Variants in HIBADH observed in about 807,000 individuals in gnomAD.
HIBADH encodes 3-hydroxyisobutyrate dehydrogenase.
In HIBADH, 25 loss-of-function variants were observed where a neutral mutation model predicts 36.1. That is an observed-to-expected ratio of 0.69 (90% CI 0.50 to 0.97). The LOEUF (loss-of-function observed/expected upper bound fraction) is 0.97. Ranked by LOEUF, HIBADH falls within the 50% of genes least tolerant of loss-of-function variation. HIBADH has a pLI of 0.00. For synonymous variants in HIBADH, 160 were observed against 149.5 expected (o/e 1.07, Z -0.51); for missense variants, 421 against 418.0 (o/e 1.01, Z -0.06).
intron 1 of HIBADH, among the ~76,000 whole-genome samples, chr7:27,661,522 A>C (rs1786417417): frequency 7.2e-6 from 1 of 138,430 alleles, no homozygotes; most frequent in African/African-American, 2.7e-5. Context: ...CAGGAGGTCG[A>C]GACTGCAGTG....
chr7:27,649,319 TG>T, intron 2 of HIBADH, 153 bp downstream of exon 2: 1 of 531,534 alleles, frequency 1.9e-6, no homozygotes, highest in Non-Finnish European at 3.1e-6. Flanking sequence ...ACTGCAAATC[TG>T]GATGTTGGAT....
intron 5 of HIBADH, 133 bp from the exon 6 acceptor site, chr7:27,538,550 G>A: frequency 1.4e-6 from 1 of 716,694 alleles, no homozygotes; most frequent in Non-Finnish European, 2.4e-6. Flanking sequence ...CTCGAGTGCG[G>A]AAGAGAACCT....
Position 27,648,554 on chromosome 7 carries a change from C to A in HIBADH, c.252+919G>T, listed in dbSNP as rs111396282. On this transcript the variant is annotated intron_variant, in intron 2 of 7. Coordinates refer to ENST00000265395, the MANE Select transcript of HIBADH (RefSeq NM_152740.4). ...TGTGTAATTTTTTTCTCACCTTTTT[C>A]TCAGGAATTTTTTAGTATTCTCTGT... Among the ~76,000 whole-genome samples the A allele has an allele frequency of 8.3e-3, 1,268 of 152,178 alleles. 7 individuals are homozygous for A. The highest frequency in any genetic ancestry group is 0.012 in the Non-Finnish European group (804 of 67,992).
At chr7:27,625,786 G>A (rs544548732) in intron 4 of HIBADH, among the ~76,000 whole-genome samples, 9 of 152,108 alleles carry the variant, frequency 5.9e-5, no homozygotes, top group Non-Finnish European at 8.8e-5. Context: ...TAAATATAGC[G>A]TGATGTGGGC....
chr7:27,564,015 C>T (rs1370331250), intron 4 of HIBADH, among the ~76,000 whole-genome samples: 1 of 151,152 alleles, frequency 6.6e-6, no homozygotes, highest in Non-Finnish European at 1.5e-5. Context: ...TCTCCTGCCT[C>T]AGCCTCCCAA....
chr7:27,621,520 A>G (rs12531518), intron 4 of HIBADH, among the ~76,000 whole-genome samples: 120,797 of 152,156 alleles, frequency 0.79, 48,354 homozygotes, highest in East Asian at 0.97. Flanking sequence ...AGCCAGGCGC[A>G]GTGGCTCACA....
intron 7 of HIBADH, 84 bp from the exon 8 acceptor site, chr7:27,526,456 A>T: frequency 1.8e-6 from 2 of 1,083,872 alleles, no homozygotes; most frequent in Non-Finnish European, 2.5e-6. Flanking sequence ...TTGGTTTGAA[A>T]GAAGGAAAAA....
intron 4 of HIBADH, among the ~76,000 whole-genome samples, chr7:27,547,030 C>T (rs1784244122): frequency 6.6e-6 from 1 of 152,172 alleles, no homozygotes; most frequent in Admixed American, 6.5e-5. Flanking sequence ...ATTCCCAACC[C>T]TCCAAAGACT....
intron 4 of HIBADH, among the ~76,000 whole-genome samples, chr7:27,562,740 G>T (rs1562622391): frequency 6.6e-6 from 1 of 152,144 alleles, no homozygotes; most frequent in African/African-American, 2.4e-5. Context: ...TTATGGGTAT[G>T]AGCCACCACA....
intron 4 of HIBADH, among the ~76,000 whole-genome samples, chr7:27,576,762 C>A (rs992132303): frequency 1.3e-5 from 2 of 152,192 alleles, no homozygotes; most frequent in African/African-American, 4.8e-5. Context: ...AAGTGTCACA[C>A]ATTCATTAAC....
At chr7:27,641,029 G>A (rs1453690247) in intron 2 of HIBADH, among the ~76,000 whole-genome samples, 1 of 152,102 alleles carries the variant, frequency 6.6e-6, no homozygotes, top group Non-Finnish European at 1.5e-5. Flanking sequence ...TGGAACGGCA[G>A]GTGGCCATCT....
At chr7:27,554,489 T>A (rs1049796430) in intron 4 of HIBADH, among the ~76,000 whole-genome samples, 4 of 152,136 alleles carry the variant, frequency 2.6e-5, no homozygotes, top group African/African-American at 9.7e-5. Flanking sequence ...ATAACCAAAT[T>A]CTCAGTAATC....
intron 4 of HIBADH, among the ~76,000 whole-genome samples, chr7:27,543,836 TAATGCATG>T (rs1784195256): frequency 6.6e-6 from 1 of 151,318 alleles, no homozygotes; most frequent in Non-Finnish European, 1.5e-5. Context: ...AACAGAGGCT[TAATGCATG>T]TTCATTCATT....
intron 4 of HIBADH, among the ~76,000 whole-genome samples, chr7:27,599,680 CA>C (rs3072889): frequency 9.3e-4 from 38 of 41,062 alleles, no homozygotes; most frequent in East Asian, 4.1e-3. Context: ...ACTCTGTCTC[CA>C]AAAAAAAAAA....
chr7:27,534,776 T>C (rs1395543289), intron 6 of HIBADH, among the ~76,000 whole-genome samples: 1 of 152,002 alleles, frequency 6.6e-6, no homozygotes, highest in Middle Eastern at 3.4e-3. Flanking sequence ...ACAATTTAAT[T>C]TCAAACAATA....
At chr7:27,619,605 GAGAT>G (rs1199979910) in intron 4 of HIBADH, among the ~76,000 whole-genome samples, 2 of 152,028 alleles carry the variant, frequency 1.3e-5, no homozygotes, top group Admixed American at 6.5e-5. Context: ...ATTTACCGAA[GAGAT>G]AGATATCTTT....
At chr7:27,635,702 G>A (rs911474356) in intron 2 of HIBADH, among the ~76,000 whole-genome samples, 24 of 152,318 alleles carry the variant, frequency 1.6e-4, no homozygotes, top group African/African-American at 4.8e-4. Context: ...GACTTTCACC[G>A]TGCAGGTTTT....
At chr7:27,544,523 T>C (rs1453722027) in intron 4 of HIBADH, among the ~76,000 whole-genome samples, 2 of 152,230 alleles carry the variant, frequency 1.3e-5, no homozygotes, top group Non-Finnish European at 2.9e-5. Context: ...TCTTATAACA[T>C]TAAAGTGACT....
chr7:27,611,473 T>TA (rs1447210381), intron 4 of HIBADH, among the ~76,000 whole-genome samples: 2 of 150,220 alleles, frequency 1.3e-5, no homozygotes, highest in Non-Finnish European at 3.0e-5. Flanking sequence ...AACACTGTGG[T>TA]AGCAGACCCA....
Sources: gnomAD v4.1 joint callset for allele counts (sites outside exome capture counted in the v4.1 genomes callset) on GRCh38, gnomAD v4.1.1 for gene constraint, MANE v1.5 for transcripts, NCBI Gene and HGNC (gene_info 2026-07-23, HGNC 2026-07-21) for gene names.